VEZT: variants seen among roughly 807,000 people sequenced by gnomAD.
The protein encoded by VEZT is vezatin.
A neutral mutation model predicts 79.9 loss-of-function variants in VEZT; 39 were observed. The ratio of observed to expected loss-of-function variants is 0.49; its 90% CI spans 0.38 to 0.64. The LOEUF (loss-of-function observed/expected upper bound fraction) is 0.64, where lower values mean the gene tolerates loss of function less well. Ranked by LOEUF, VEZT falls within the 30% of genes least tolerant of loss-of-function variation. The probability of loss-of-function intolerance (pLI) is 0.00; values close to 1 mark genes in which losing one functional copy is unlikely to be tolerated. For synonymous variants in VEZT, 325 were observed against 327.6 expected, an observed-to-expected ratio of 0.99 and a Z score of 0.09; for missense variants, 837 against 893.1, an observed-to-expected ratio of 0.94 and a Z score of 0.80.
At chr12:95,241,801 G>T (rs924796072) in intron 1 of VEZT, among the ~76,000 whole-genome samples, 2 of 152,064 alleles carry the variant, frequency 1.3e-5, no homozygotes, top group African/African-American at 4.8e-5. Flanking sequence ...TCACATAATT[G>T]AGAATAGTTT....
intron 1 of VEZT, among the ~76,000 whole-genome samples, chr12:95,235,353 T>C (rs1457475468): frequency 8.1e-6 from 1 of 123,306 alleles, no homozygotes; most frequent in Non-Finnish European, 1.7e-5. Flanking sequence ...CACTTCCCAG[T>C]AGGGGCGGCC....
At chr12:95,251,045 T>G (rs1036092669) in intron 1 of VEZT, among the ~76,000 whole-genome samples, 1 of 151,964 alleles carries the variant, frequency 6.6e-6, no homozygotes, top group African/African-American at 2.4e-5. Flanking sequence ...AGTTTTGCTC[T>G]TGTCGCCCAG....
rs533397552 is a variant in VEZT, at chr12:95,233,661, C to G, written c.36+15775C>G. ...AAGTGATCCCCCCACCTCGGCCTCCCAAAGTGCTGAGATTATAGGTGTGAG... is the reference window on the plus strand; with the variant it reads ...AAGTGATCCCCCCACCTCGGCCTCCGAAAGTGCTGAGATTATAGGTGTGAG... On this transcript the variant is annotated intron_variant, in intron 1 of 11. Transcript: ENST00000436874. 1.6e-4 allele frequency among the ~76,000 whole-genome samples: 24 copies of G among 152,304 alleles called. No homozygotes were observed. In the East Asian group the frequency reaches 4.6e-3, roughly 29 times the overall value.
chr12:95,220,693 A>G (rs558661516), intron 1 of VEZT, among the ~76,000 whole-genome samples: 2 of 151,832 alleles, frequency 1.3e-5, no homozygotes, highest in East Asian at 3.9e-4. Flanking sequence ...TATTGTTAAC[A>G]TGAGAATTTT....
intron 10 of VEZT, 124 bp from the exon 11 acceptor site, chr12:95,295,927 A>G (rs563999041): frequency 4.2e-6 from 3 of 706,254 alleles, no homozygotes; most frequent in Non-Finnish European, 6.8e-6. Context: ...CTCTGCTTTA[A>G]TGACCTGTGC....
intron 7 of VEZT, among the ~76,000 whole-genome samples, chr12:95,277,411 GTGAAACAA>G (rs1241183754): frequency 1.3e-5 from 2 of 151,884 alleles, no homozygotes; most frequent in Non-Finnish European, 2.9e-5. Context: ...TCTGTTGCCA[GTGAAACAA>G]TCAGGATACA....
intron 2 of VEZT, among the ~76,000 whole-genome samples, chr12:95,254,534 A>G (rs942914927): frequency 2.6e-5 from 4 of 151,824 alleles, no homozygotes; most frequent in Admixed American, 2.6e-4. Context: ...TTTAGTAGAG[A>G]TGGGGTTTTA....
rs566882110 is a variant in VEZT, at chr12:95,290,506, A to G, written c.1522+2649A>G. Among the ~76,000 whole-genome samples, 34 of 152,346 alleles carry G rather than the reference A, an allele frequency of 2.2e-4. No individual in the cohort carries two copies. The South Asian group carries it at 5.4e-3, about 24-fold the overall frequency. On this transcript the variant is annotated intron_variant, in intron 9 of 11. Transcript: ENST00000436874. Reference sequence around the variant, plus strand: ...CATACAACACGATGAATGAATCTCAATACATTATGCCAAGTGAAAGACATC... The same window carrying G: ...CATACAACACGATGAATGAATCTCAGTACATTATGCCAAGTGAAAGACATC...
intron 1 of VEZT, among the ~76,000 whole-genome samples, chr12:95,238,411 G>T (rs989470531): frequency 6.6e-6 from 1 of 152,046 alleles, no homozygotes; most frequent in Non-Finnish European, 1.5e-5. Context: ...TGTTTTTCAG[G>T]CTTGGCTCTA....
chr12:95,297,577 AGCTATCTT>A (rs1372273377), intron 11 of VEZT, among the ~76,000 whole-genome samples: 1 of 152,028 alleles, frequency 6.6e-6, no homozygotes, highest in Non-Finnish European at 1.5e-5. Flanking sequence ...TTTTCTTCTA[AGCTATCTT>A]GCAAACTCTT....
At position 95,263,003 on chromosome 12, in the gene VEZT, T is replaced by C. The variant is rs768365363; in HGVS notation, c.356T>C (p.Ile119Thr). ...VELIELLDPS[I>T]LSAGQSQQQE... The stretch of plus-strand genomic sequence containing the variant: ...CTGATTGAGCTACTTGATCCCAGTA[T>C]CCTGTCTGCAGGGCAATCTCAACAA... The change falls in exon 4 of 12, where the codon ATC becomes ACC. Residue 119 changes from isoleucine to threonine, a missense_variant. Ile to Thr is a moderately conservative substitution (Grantham distance 89). Coordinates refer to ENST00000436874, the MANE Select transcript of VEZT (RefSeq NM_017599.4). 3 of 1,613,530 alleles carry C rather than the reference T, an allele frequency of 1.9e-6. No individual in the cohort carries two copies. The highest frequency in any genetic ancestry group is 2.2e-5 in the South Asian group (2 of 91,044).
At chr12:95,221,799 A>G (rs2057633094) in intron 1 of VEZT, among the ~76,000 whole-genome samples, 1 of 152,096 alleles carries the variant, frequency 6.6e-6, no homozygotes, top group Admixed American at 6.5e-5. Context: ...AGTGAGCTAC[A>G]ATTCCAGCCT....
intron 8 of VEZT, chr12:95,286,646 A>G: frequency 2.5e-6 from 1 of 408,154 alleles, no homozygotes; most frequent in South Asian, 2.1e-5. Context: ...TGGACAATCT[A>G]AATTTTCTTC....
intron 2 of VEZT, among the ~76,000 whole-genome samples, chr12:95,252,703 G>A (rs759752455): frequency 5.3e-5 from 8 of 152,208 alleles, no homozygotes; most frequent in Admixed American, 1.3e-4. Flanking sequence ...GGTGGCTCAC[G>A]CCTGTAATCC....
chr12:95,241,237 A>G lies in VEZT; in HGVS notation c.37-10703A>G, dbSNP rs2060972137. 2.0e-5 allele frequency among the ~76,000 whole-genome samples: 3 copies of G among 152,018 alleles called. No individual in the cohort carries two copies. The South Asian group carries it at 6.2e-4, about 32-fold the overall frequency. Reference sequence around the variant, plus strand: ...TTTTTAGTAGAGACAAGGTTTCACCATGTTGGCCAGGCTGGTTTCAAACTC... The same window carrying G: ...TTTTTAGTAGAGACAAGGTTTCACCGTGTTGGCCAGGCTGGTTTCAAACTC... On this transcript the variant is annotated intron_variant, in intron 1 of 11. Coordinates refer to ENST00000436874, the MANE Select transcript of VEZT (RefSeq NM_017599.4).
At chr12:95,276,714 T>A (rs572317526) in intron 7 of VEZT, among the ~76,000 whole-genome samples, 10 of 152,348 alleles carry the variant, frequency 6.6e-5, no homozygotes, top group African/African-American at 1.9e-4. Context: ...GTTGTTAGCA[T>A]TTATCAAGAT....
At chr12:95,230,576 T>A (rs747040435) in intron 1 of VEZT, among the ~76,000 whole-genome samples, 4 of 39,502 alleles carry the variant, frequency 1.0e-4, no homozygotes, top group African/African-American at 3.5e-4. Flanking sequence ...TATCTCTCCT[T>A]TTTTTTTTTT....
rs374080486 is a variant in VEZT, at chr12:95,269,942, A to C, written c.711-109A>C. The C allele has an allele frequency of 1.7e-4, 222 of 1,318,202 alleles. No homozygotes were observed. The East Asian group carries it at 2.6e-3, about 16-fold the overall frequency. 81.7% of individuals were successfully genotyped at this position (1,318,202 alleles called of 1,614,324 possible). A position where few individuals can be genotyped will look rare whatever the true frequency, so the allele number is the denominator to read the frequency against. On this transcript the variant is annotated intron_variant, in intron 5 of 11. Coordinates refer to ENST00000436874, the MANE Select transcript of VEZT (RefSeq NM_017599.4). Reference sequence around the variant, plus strand: ...TAATCATTTTCTAGTGAAGATCATGAAAGAGGAATTTGTTTTCTACATTTA... The same window carrying C: ...TAATCATTTTCTAGTGAAGATCATGCAAGAGGAATTTGTTTTCTACATTTA...
intron 11 of VEZT, 29 bp from the exon 12 acceptor site, chr12:95,300,136 T>C: frequency 7.5e-7 from 1 of 1,324,648 alleles, no homozygotes; most frequent in Non-Finnish European, 9.9e-7. Flanking sequence ...TAGTTATTTT[T>C]TTTCTTTTTT....
Sources: gnomAD v4.1 joint callset for allele counts (sites outside exome capture counted in the v4.1 genomes callset) on GRCh38, gnomAD v4.1.1 for gene constraint, MANE v1.5 for transcripts, NCBI Gene and HGNC (gene_info 2026-07-23, HGNC 2026-07-21) for gene names.